ASAP2: variants seen among roughly 807,000 people sequenced by gnomAD.
ASAP2 encodes the protein ArfGAP with SH3 domain, ankyrin repeat and PH domain 2, also known as arf-GAP with SH3 domain, ANK repeat and PH domain-containing protein 2.
A neutral mutation model predicts 131.4 loss-of-function variants in ASAP2; 45 were observed. The ratio of observed to expected loss-of-function variants is 0.34; its 90% CI spans 0.27 to 0.44. The LOEUF (loss-of-function observed/expected upper bound fraction) is 0.44, where lower values mean the gene tolerates loss of function less well. Ranked by LOEUF, ASAP2 falls within the 20% of genes least tolerant of loss-of-function variation. The probability of loss-of-function intolerance (pLI) is 1.00; values close to 1 mark genes in which losing one functional copy is unlikely to be tolerated. For synonymous variants in ASAP2, 510 were observed against 503.0 expected (o/e 1.01, Z -0.19); for missense variants, 1,011 against 1,297.0 (o/e 0.78, Z 3.39).
chr2:9,332,169 G>A (rs34011431), intron 7 of ASAP2, among the ~76,000 whole-genome samples: 22,646 of 152,132 alleles, frequency 0.15, 2,237 homozygotes, highest in Middle Eastern at 0.28. Context: ...AACAAAATTT[G>A]ATTGGGTAAT....
intron 1 of ASAP2, among the ~76,000 whole-genome samples, chr2:9,213,759 G>A (rs942224727): frequency 4.6e-5 from 7 of 152,202 alleles, no homozygotes; most frequent in African/African-American, 1.4e-4. Flanking sequence ...CAACAGCCAA[G>A]CTCAGTTCAT....
chr2:9,260,887 C>A (rs1665531313), intron 1 of ASAP2, among the ~76,000 whole-genome samples: 2 of 152,224 alleles, frequency 1.3e-5, no homozygotes, highest in South Asian at 2.1e-4. Context: ...CTATCTGCTT[C>A]TCCGCCACCC....
chr2:9,348,377 A>C (rs796195897), intron 11 of ASAP2, among the ~76,000 whole-genome samples: 1 of 152,176 alleles, frequency 6.6e-6, no homozygotes, highest in Admixed American at 6.5e-5. Context: ...TACCTGCCTC[A>C]GCCTCCCAAA....
intron 15 of ASAP2, 146 bp from the exon 16 acceptor site, chr2:9,368,279 T>G: frequency 1.4e-6 from 1 of 704,416 alleles, no homozygotes; most frequent in Non-Finnish European, 2.4e-6. Context: ...GGGCTTTGGG[T>G]TTTGTCCATC....
intron 4 of ASAP2, among the ~76,000 whole-genome samples, chr2:9,319,905 T>G (rs1264476983): frequency 6.6e-6 from 1 of 152,204 alleles, no homozygotes; most frequent in Admixed American, 6.5e-5. Flanking sequence ...ATCTATCAAT[T>G]AGAGTTCCTT....
chr2:9,378,726 A>T (rs1049439933), intron 18 of ASAP2, among the ~76,000 whole-genome samples: 1 of 152,120 alleles, frequency 6.6e-6, no homozygotes. Context: ...TTCTGCCATC[A>T]TCGTGTTATT....
At chr2:9,374,072 G>A (rs1021682982) in intron 16 of ASAP2, among the ~76,000 whole-genome samples, 7 of 152,248 alleles carry the variant, frequency 4.6e-5, no homozygotes, top group Non-Finnish European at 1.0e-4. Context: ...AAGCAGCAGT[G>A]TGTGGTGGGA....
intron 18 of ASAP2, among the ~76,000 whole-genome samples, chr2:9,377,518 A>G (rs2709586): frequency 0.27 from 41,545 of 152,104 alleles, 10,891 homozygotes; most frequent in African/African-American, 0.69. Context: ...GCAGTTTACC[A>G]CAGATCTGGG....
At chr2:9,325,711 AACTG>A (rs1272328745) in intron 6 of ASAP2, among the ~76,000 whole-genome samples, 3 of 152,192 alleles carry the variant, frequency 2.0e-5, no homozygotes, top group South Asian at 2.1e-4. Flanking sequence ...TGATCCTGTG[AACTG>A]ACTAAGTCAT....
intron 11 of ASAP2, 92 bp from the exon 12 acceptor site, chr2:9,350,716 T>C (rs1672274597): frequency 9.5e-7 from 1 of 1,047,770 alleles, no homozygotes; most frequent in Non-Finnish European, 1.4e-6. Flanking sequence ...AAGAGCTTGC[T>C]GTTGCTGTAT....
intron 16 of ASAP2, among the ~76,000 whole-genome samples, chr2:9,373,897 C>G (rs1304389579): frequency 2.0e-5 from 3 of 152,212 alleles, no homozygotes; most frequent in Non-Finnish European, 4.4e-5. Context: ...TTTCGCTCTC[C>G]CTCTTGTAAG....
chr2:9,270,552 C>T (rs1262304456), intron 1 of ASAP2, among the ~76,000 whole-genome samples: 1 of 151,972 alleles, frequency 6.6e-6, no homozygotes, highest in Non-Finnish European at 1.5e-5. Flanking sequence ...CACCTCAAAG[C>T]ATTTAGCCTT....
chr2:9,395,752 T>A (rs1320434170), intron 24 of ASAP2, among the ~76,000 whole-genome samples: 1 of 151,346 alleles, frequency 6.6e-6, no homozygotes, highest in East Asian at 2.0e-4. Context: ...GGACTACAGG[T>A]GCCCACCACC....
chr2:9,374,780 G>A lies in ASAP2; in HGVS notation c.1582G>A (p.Ala528Thr). 1.9e-6 allele frequency: 3 copies of A among 1,609,380 alleles called. No homozygotes were observed. Among genetic ancestry groups the A allele is most frequent in the East Asian group, 2.2e-5 (1 of 44,804 alleles). The change falls in exon 17 of 28, where the codon GCC (alanine) becomes ACC (threonine). Residue 528 changes from alanine to threonine, a missense_variant. Coordinates refer to ENST00000281419, the MANE Select transcript of ASAP2 (RefSeq NM_003887.3). Reference protein sequence around the residue: ...DMNARKDYITAKYIERRYARK... With the variant: ...DMNARKDYITTKYIERRYARK... ...GAATGCAAGAAAGGACTACATCACA[G>A]CCAAGTACATCGAGAGGAGATACGC... is the stretch of plus-strand genomic sequence containing the variant.
At chr2:9,391,329 C>T in intron 23 of ASAP2, 133 bp downstream of exon 23, 1 of 1,308,166 alleles carries the variant, frequency 7.6e-7, no homozygotes, top group South Asian at 1.4e-5. Context: ...CTCCCTGTGG[C>T]TCTTGTGCAG....
chr2:9,388,314 A>G lies in ASAP2; in HGVS notation c.2151A>G (p.Glu717=), dbSNP rs1368620451. 1 of 1,614,072 alleles carries G rather than the reference A, an allele frequency of 6.2e-7. No individual in the cohort carries two copies. The highest frequency in any genetic ancestry group is 8.5e-7 in the Non-Finnish European group (1 of 1,180,016). ...TGCAGCCCAGTCCCAACCGGCGGGA[A>G]GACCGGCCCATCAGCTTCTACCAGC... is the stretch of plus-strand genomic sequence containing the variant. ...EKLQPSPNRR[E]DRPISFYQLG... The change falls in exon 22 of 28, where the codon GAA becomes GAG. Residue 717 remains glutamate (E), a synonymous_variant. Coordinates refer to ENST00000281419, the MANE Select transcript of ASAP2 (RefSeq NM_003887.3).
At chr2:9,353,757 T>G (rs1178824748) in intron 12 of ASAP2, among the ~76,000 whole-genome samples, 2 of 152,122 alleles carry the variant, frequency 1.3e-5, no homozygotes, top group African/African-American at 4.8e-5. Flanking sequence ...TGCAGTTACT[T>G]CCTACAAGAT....
chr2:9,277,805 CTTTGTA>C (rs1321303757), intron 1 of ASAP2, among the ~76,000 whole-genome samples: 1 of 152,172 alleles, frequency 6.6e-6, no homozygotes, highest in African/African-American at 2.4e-5. Context: ...TATAACTTCT[CTTTGTA>C]TTGCAGCCAC....
intron 9 of ASAP2, among the ~76,000 whole-genome samples, chr2:9,335,470 A>C (rs1332592212): frequency 6.6e-6 from 1 of 152,144 alleles, no homozygotes; most frequent in East Asian, 1.9e-4. Flanking sequence ...CGTCACAGAG[A>C]CCATGTGTCA....
Sources: gnomAD v4.1 joint callset for allele counts (sites outside exome capture counted in the v4.1 genomes callset) on GRCh38, gnomAD v4.1.1 for gene constraint, MANE v1.5 for transcripts, NCBI Gene and HGNC (gene_info 2026-07-23, HGNC 2026-07-21) for gene names.